L3MBTL3: variants seen among roughly 807,000 people sequenced by gnomAD.
The protein encoded by L3MBTL3 is L3MBTL histone methyl-lysine binding protein 3.
L3MBTL3 carries 27 observed loss-of-function variants against 102.3 expected under a neutral mutation model. The ratio of observed to expected loss-of-function variants is 0.26; its 90% confidence interval spans 0.19 to 0.36. The LOEUF is 0.36. Among genes scored for constraint, L3MBTL3 ranks in the 10% least tolerant of loss-of-function variants. The pLI is 1.00. For synonymous variants in L3MBTL3, 340 were observed against 320.9 expected, an observed-to-expected ratio of 1.06 and a Z score of -0.64; for missense variants, 798 against 955.3, an observed-to-expected ratio of 0.84 and a Z score of 2.17.
intron 2 of L3MBTL3, among the ~76,000 whole-genome samples, chr6:130,027,046 T>C (rs554651825): frequency 2.0e-5 from 3 of 152,292 alleles, no homozygotes; most frequent in African/African-American, 4.8e-5. Context: ...ACTGGTGTTA[T>C]ACACTGTAAC....
At chr6:130,083,587 A>T in intron 14 of L3MBTL3, 33 bp from the exon 15 acceptor site, 1 of 1,028,750 alleles carries the variant, frequency 9.7e-7, no homozygotes, top group Non-Finnish European at 1.4e-6. Flanking sequence ...CATTTTGGTT[A>T]AACCTCATAG....
At chr6:130,078,515 T>A in intron 13 of L3MBTL3, 43 bp from the exon 14 acceptor site, 1 of 1,357,854 alleles carries the variant, frequency 7.4e-7, no homozygotes, top group Non-Finnish European at 1.1e-6. Flanking sequence ...TTTTTGTGAG[T>A]TTATCCTGAT....
intron 3 of L3MBTL3, among the ~76,000 whole-genome samples, 179 bp downstream of exon 3, chr6:130,042,980 C>G (rs1031722991): frequency 6.6e-6 from 1 of 152,204 alleles, no homozygotes; most frequent in Non-Finnish European, 1.5e-5. Context: ...GATGGAATGG[C>G]AGAGCCTTTG....
chr6:130,052,904 A>G lies in L3MBTL3; in HGVS notation c.495A>G (p.Glu165=). The change falls in exon 7 of 23, where the codon GAA becomes GAG. Residue 165 remains glutamate, a synonymous_variant. Coordinates refer to ENST00000361794, the MANE Select transcript of L3MBTL3 (RefSeq NM_032438.4). ...ACGTAGAAGAAGACAATGAGGAAGA[A>G]GATCCTAAGTGTAGTCGGAAGAAAA... ...ERDVEEDNEE[E]DPKCSRKKKP... is the part of the protein sequence containing the mutation. The G allele has an allele frequency of 6.2e-7, 1 of 1,614,072 alleles. No individual in the cohort carries two copies. Among genetic ancestry groups the G allele is most frequent in the Non-Finnish European group, 8.5e-7 (1 of 1,179,898 alleles).
intron 2 of L3MBTL3, among the ~76,000 whole-genome samples, chr6:130,033,256 A>G (rs568893161): frequency 2.0e-5 from 3 of 152,294 alleles, no homozygotes; most frequent in Admixed American, 6.5e-5. Flanking sequence ...TCATAAGGTG[A>G]TTAGCAGTGG....
At chr6:130,032,099 G>A (rs767340964) in intron 2 of L3MBTL3, among the ~76,000 whole-genome samples, 8 of 151,884 alleles carry the variant, frequency 5.3e-5, no homozygotes, top group Non-Finnish European at 1.0e-4. Flanking sequence ...TTTCTTGTAG[G>A]TGTGGGGTCT....
intron 18 of L3MBTL3, among the ~76,000 whole-genome samples, chr6:130,103,567 T>C (rs1784823695): frequency 6.6e-6 from 1 of 152,186 alleles, no homozygotes; most frequent in African/African-American, 2.4e-5. Context: ...GCCCAAACCA[T>C]TTCCAGATTT....
At chr6:130,126,595 C>T (rs1268572752) in intron 20 of L3MBTL3, among the ~76,000 whole-genome samples, 2 of 152,106 alleles carry the variant, frequency 1.3e-5, no homozygotes, top group African/African-American at 2.4e-5. Flanking sequence ...AAGGTATTTT[C>T]TCTGCATCAC....
At chr6:130,117,182 C>T (rs1055420749) in intron 19 of L3MBTL3, among the ~76,000 whole-genome samples, 5 of 128,160 alleles carry the variant, frequency 3.9e-5, no homozygotes, top group African/African-American at 1.5e-4. Context: ...TCCATGTGAT[C>T]TCATTGTTCA....
At chr6:130,049,466 A>G (rs1447198440) in intron 4 of L3MBTL3, 73 bp downstream of exon 4, 13 of 1,041,768 alleles carry the variant, frequency 1.2e-5, no homozygotes, top group Middle Eastern at 2.1e-4. Context: ...AAGTTTTATA[A>G]TAGGCTGGAA....
chr6:130,068,477 A>T, intron 12 of L3MBTL3, 56 bp downstream of exon 12: 1 of 873,450 alleles, frequency 1.1e-6, no homozygotes. Context: ...TGAGTGTCTC[A>T]TAGGATCAAT....
intron 19 of L3MBTL3, among the ~76,000 whole-genome samples, chr6:130,112,288 G>T (rs748466743): frequency 6.6e-6 from 1 of 152,146 alleles, no homozygotes; most frequent in East Asian, 1.9e-4. Flanking sequence ...ACTCCCTTGC[G>T]TGCAGTAGTG....
At chr6:130,019,079 G>A (rs1778747517) in intron 1 of L3MBTL3, among the ~76,000 whole-genome samples, 1 of 152,050 alleles carries the variant, frequency 6.6e-6, no homozygotes, top group Non-Finnish European at 1.5e-5. Context: ...CCGTGCGGAA[G>A]GGAGCCGGGG....
At chr6:130,023,431 A>C (rs535819083) in intron 2 of L3MBTL3, among the ~76,000 whole-genome samples, 1 of 152,198 alleles carries the variant, frequency 6.6e-6, no homozygotes, top group African/African-American at 2.4e-5. Flanking sequence ...GAGTAAAATC[A>C]GTTTCCTAAG....
chr6:130,108,581 TTTCATTATATGTCTTTTATTCC>T (rs1336112188), intron 19 of L3MBTL3, among the ~76,000 whole-genome samples: 1 of 152,164 alleles, frequency 6.6e-6, no homozygotes, highest in Non-Finnish European at 1.5e-5. Flanking sequence ...GATTACTTTG[TTTCATTATATGTCTTTTATTCC>T]TTAGGAGCAA....
intron 19 of L3MBTL3, among the ~76,000 whole-genome samples, chr6:130,118,821 G>A (rs1785911847): frequency 6.6e-6 from 1 of 152,054 alleles, no homozygotes; most frequent in Non-Finnish European, 1.5e-5. Context: ...TTCTCTTTTG[G>A]GATAGGTTAT....
rs1392872589 is a variant in L3MBTL3 at position 130,060,156 on chromosome 6, T to A, written c.864+16T>A. 2.8e-6 allele frequency: 4 copies of A among 1,439,220 alleles called. No individual in the cohort carries two copies. The highest frequency in any genetic ancestry group is 3.8e-6 in the Non-Finnish European group (4 of 1,048,688). The allele number at this position is 1,439,220 out of a possible 1,614,324, so 89.2% of individuals were successfully genotyped here. ...CGTCGCGGAGGTAAGCTTTGCCTCG[T>A]CCTTTATTTTTAAAATAAAATGGTG... On this transcript the variant is annotated intron_variant, in intron 10 of 22. Coordinates refer to ENST00000361794, the MANE Select transcript of L3MBTL3 (RefSeq NM_032438.4).
chr6:130,128,233 G>A (rs7755221), intron 20 of L3MBTL3, among the ~76,000 whole-genome samples: 2,991 of 152,218 alleles, frequency 0.02, 97 homozygotes, highest in African/African-American at 0.068. Context: ...AACACATAAA[G>A]TGGCTTATGT....
In L3MBTL3 at chr6:130,071,023, A is replaced by G; in HGVS notation, c.1140A>G (p.Val380=). 1 of 1,613,332 alleles carries G rather than the reference A, an allele frequency of 6.2e-7. No homozygotes were observed. Among genetic ancestry groups the G allele is most frequent in the African/African-American group, 1.3e-5 (1 of 74,952 alleles). ...GAGTTGGTATGAAGCTTGAGGCAGT[A>G]GACAAAAAGAATCCCTCATTCATCT... ...GFRVGMKLEA[V]DKKNPSFICV... is the part of the protein sequence containing the mutation. Residue 380 remains valine, a synonymous_variant, in exon 13 of 23, where the codon GTA becomes GTG. Coordinates refer to ENST00000361794, the MANE Select transcript of L3MBTL3 (RefSeq NM_032438.4).
Sources: gnomAD v4.1 joint callset for allele counts (sites outside exome capture counted in the v4.1 genomes callset) on GRCh38, gnomAD v4.1.1 for gene constraint, MANE v1.5 for transcripts, NCBI Gene and HGNC (gene_info 2026-07-23, HGNC 2026-07-21) for gene names.